The following STK36 variants were observed in gnomAD, a reference collection of about 807,000 sequenced individuals.
The protein encoded by STK36 is serine/threonine-protein kinase 36.
Under a neutral mutation model 142.2 loss-of-function variants are expected in STK36, and 116 were observed. The observed-to-expected ratio is 0.82, with a 90% confidence interval of 0.70 to 0.95. The LOEUF is 0.95. STK36 is among the 40% of genes least tolerant of loss of function. The pLI is 0.00. For synonymous variants in STK36, 619 were observed against 641.7 expected (o/e 0.96, Z 0.53); for missense variants, 1,422 against 1,617.2 (o/e 0.88, Z 2.07).
chr2:218,692,858 G>A, intron 16 of STK36, 148 bp downstream of exon 16: 2 of 1,175,332 alleles, frequency 1.7e-6, no homozygotes, highest in Non-Finnish European at 2.3e-6. Flanking sequence ...TGGGCCATTT[G>A]TAGAACATGA....
intron 17 of STK36, 102 bp downstream of exon 17, chr2:218,693,446 G>A: frequency 8.8e-7 from 1 of 1,134,878 alleles, no homozygotes; most frequent in Non-Finnish European, 1.3e-6. Context: ...AAGAGAGAGA[G>A]ACTGAGAGAG....
chr2:218,682,265 A>G (rs750111277), intron 10 of STK36, among the ~76,000 whole-genome samples: 55 of 151,642 alleles, frequency 3.6e-4, no homozygotes, highest in Admixed American at 1.1e-3. Context: ...CAGTTGTAAA[A>G]CTTTTGTCTC....
intron 25 of STK36, 124 bp downstream of exon 25, chr2:218,698,125 C>A: frequency 7.4e-7 from 1 of 1,360,266 alleles, no homozygotes; most frequent in Non-Finnish European, 1.0e-6. Flanking sequence ...TGGCTTGACT[C>A]AAAAGTTGGC....
intron 12 of STK36, 43 bp from the exon 13 acceptor site, chr2:218,689,816 A>G (rs1384222045): frequency 7.1e-6 from 11 of 1,553,816 alleles, no homozygotes; most frequent in Non-Finnish European, 9.7e-6. Context: ...CTTTGTTTCC[A>G]TCCTTCACAT....
chr2:218,693,770 G>A lies in STK36; in HGVS notation c.2196G>A (p.Leu732=), dbSNP rs764376852. ...CLVSEGLCRL[L]GQEPLALESL... ...TCAGTGAGGGCCTGTGCCGTCTTCT[G>A]GGGCAGGAGCCCCTGGCCTTGGAAT... Residue 732 remains leucine (L), a synonymous_variant, in exon 18 of 27, where the codon CTG becomes CTA. Transcript: ENST00000295709. The A allele has an allele frequency of 9.3e-6, 15 of 1,614,064 alleles. No individual in the cohort carries two copies. The highest frequency in any genetic ancestry group is 1.3e-5 in the Non-Finnish European group (15 of 1,180,044).
In STK36 at chr2:218,694,471, C is replaced by T. The variant is rs1941146847; in HGVS notation, c.2401-54C>T. The T allele has an allele frequency of 1.9e-6, 3 of 1,571,524 alleles. No homozygotes were observed. The Admixed American group carries it at 5.0e-5, about 26-fold the overall frequency. On this transcript the variant is annotated intron_variant, in intron 20 of 26. Transcript: ENST00000295709. This position sits in a 1 kb window ranked among gnomAD's most constrained non-coding sequence, Gnocchi z 4.4. ...AGAGACATAAATCCTCTCTGCCTGT[C>T]CTGAATGCCATTTAGATTTGGACAT...
At chr2:218,683,475 A>G (rs1940628645) in intron 10 of STK36, among the ~76,000 whole-genome samples, 1 of 151,908 alleles carries the variant, frequency 6.6e-6, no homozygotes, top group Non-Finnish European at 1.5e-5. Context: ...GGGTTTCACC[A>G]TGTTGTTCAG....
chr2:218,674,895 C>T (rs1004013669), intron 4 of STK36, among the ~76,000 whole-genome samples: 5 of 152,132 alleles, frequency 3.3e-5, no homozygotes, highest in East Asian at 1.9e-4. Context: ...CCACCACGCC[C>T]GACCACCATA....
chr2:218,680,854 C>A, intron 10 of STK36, 152 bp downstream of exon 10: 1 of 601,016 alleles, frequency 1.7e-6, no homozygotes, highest in Non-Finnish European at 2.9e-6. Flanking sequence ...TTTAATTGTA[C>A]AGTATCTGAA....
rs964956273 is a variant in STK36 at position 218,695,527 on chromosome 2, CTTTTTTTTTTT to C, written c.2511+906_2511+916del. Among the ~76,000 whole-genome samples the C allele has an allele frequency of 8.2e-5, 6 of 73,040 alleles. No individual in the cohort carries two copies. The East Asian group carries it at 1.7e-3, about 21-fold the overall frequency. The allele number at this position is 73,040 out of a possible 152,430, so 47.9% of individuals were successfully genotyped here. The stretch of plus-strand genomic sequence containing the variant: ...ATAGGTGTGAGCCACCATGTCCAGT[CTTTTTTTTTTT>C]TTTTTTTTTTTTTGAGACGGAGTCT... On this transcript the variant is annotated intron_variant, in intron 21 of 26. Transcript: ENST00000295709.
At position 218,702,185 on chromosome 2, in the gene STK36, A is replaced by G. The variant is rs1941467415; in HGVS notation, c.*176A>G. 2.7e-6 allele frequency: 2 copies of G among 747,410 alleles called. No homozygotes were observed. The highest frequency in any genetic ancestry group is 2.0e-6 in the Non-Finnish European group (1 of 506,398). 46.3% of individuals were successfully genotyped at this position (747,410 alleles called of 1,614,324 possible). A position where few individuals can be genotyped will look rare whatever the true frequency, so the allele number is the denominator to read the frequency against. On this transcript the variant is annotated 3_prime_UTR_variant, in exon 27 of 27. Coordinates refer to ENST00000295709, the MANE Select transcript of STK36 (RefSeq NM_015690.5). ...ATATAAAGCTTCTTCCTTCTCCCAG[A>G]TGCAGGATGTTTTCAACCAGTAAAT...
intron 22 of STK36, 156 bp from the exon 23 acceptor site, chr2:218,696,883 A>C: frequency 8.6e-7 from 1 of 1,168,218 alleles, no homozygotes; most frequent in Non-Finnish European, 1.3e-6. Context: ...TTTGATAAGA[A>C]AATGAAATAA....
At position 218,679,164 on chromosome 2, in the gene STK36, G is replaced by A. The variant is rs1940387074; in HGVS notation, c.685-4G>A. 3.1e-6 allele frequency: 5 copies of A among 1,613,852 alleles called. No homozygotes were observed. Among genetic ancestry groups the A allele is most frequent in the Non-Finnish European group, 4.2e-6 (5 of 1,179,866 alleles). On this transcript the variant is annotated splice_region_variant and splice_polypyrimidine_tract_variant and intron_variant, in intron 6 of 26. Transcript: ENST00000295709. ...GACTGATGGAATATTTTTTCTCTCT[G>A]TAGAACTTCCTGCAGGGACTGCTCA...
intron 13 of STK36, 87 bp from the exon 14 acceptor site, chr2:218,690,363 C>G: frequency 1.9e-6 from 2 of 1,066,742 alleles, no homozygotes; most frequent in Non-Finnish European, 2.9e-6. Flanking sequence ...TGCAGAGATT[C>G]TCCTACCTGC....
rs746724724 is a variant in STK36, at chr2:218,673,627, C to T, written c.87C>T (p.Val29=). 5.0e-6 allele frequency: 8 copies of T among 1,613,186 alleles called. No homozygotes were observed. The highest frequency in any genetic ancestry group is 2.2e-5 in the South Asian group (2 of 90,914). Residue 29 remains valine, a splice_region_variant and synonymous_variant, in exon 3 of 27, where the codon GTC becomes GTT. Transcript: ENST00000295709. ...ACTTTTCACCTTACCACTGACAGGT[C>T]GTGGCCCTGAAGTTCATCCCAAAAT... ...YKGRRKYSAQ[V]VALKFIPKLG...
intron 7 of STK36, 84 bp from the exon 8 acceptor site, chr2:218,679,476 G>A: frequency 6.7e-7 from 1 of 1,490,978 alleles, no homozygotes. Flanking sequence ...CAGAAGCCTG[G>A]AGACACTGAA....
intron 10 of STK36, among the ~76,000 whole-genome samples, chr2:218,682,952 T>G (rs887579810): frequency 1.3e-5 from 2 of 152,114 alleles, no homozygotes; most frequent in Admixed American, 6.6e-5. Context: ...GTTCTTGTCT[T>G]TCTTTGTATT....
At chr2:218,674,920 CTTGT>C (rs1490949329) in intron 4 of STK36, among the ~76,000 whole-genome samples, 1 of 152,056 alleles carries the variant, frequency 6.6e-6, no homozygotes, top group East Asian at 1.9e-4. Context: ...TTTTATCTGT[CTTGT>C]TTGTTTGTCT....
At chr2:218,684,222 C>T (rs1016445185) in intron 10 of STK36, among the ~76,000 whole-genome samples, 16 of 150,764 alleles carry the variant, frequency 1.1e-4, no homozygotes, top group Non-Finnish European at 2.4e-4. Context: ...AGCGATTATC[C>T]TGCCTCTGCC....
Sources: allele counts gnomAD v4.1 joint callset (sites outside exome capture counted in the v4.1 genomes callset), GRCh38; gene constraint gnomAD v4.1.1; non-coding constraint Gnocchi (gnomAD v3.1); transcripts MANE v1.5; gene names NCBI Gene and HGNC (gene_info 2026-07-23, HGNC 2026-07-21).